The following NHSL1 variants were observed in gnomAD, a reference collection of about 807,000 sequenced individuals.
NHSL1 encodes NHS like 1, also known as NHS-like protein 1.
Under a neutral mutation model 95.0 loss-of-function variants are expected in NHSL1, and 48 were observed. That is an observed-to-expected ratio of 0.51 (90% confidence interval 0.40 to 0.64). The LOEUF is 0.64. Ranked by LOEUF, NHSL1 falls within the 30% of genes least tolerant of loss-of-function variation. NHSL1 has a pLI of 0.00. For missense variants in NHSL1, 1,971 were observed against 2,077.7 expected (o/e 0.95, Z 1.00); for synonymous variants, 783 against 833.9 (o/e 0.94, Z 1.05).
At chr6:138,463,024 G>A (rs1466700190) in intron 3 of NHSL1, among the ~76,000 whole-genome samples, 4 of 152,178 alleles carry the variant, frequency 2.6e-5, no homozygotes, top group African/African-American at 4.8e-5. Context: ...GAGAGACCAA[G>A]CTAGAAAAAT....
At chr6:138,524,595 A>G (rs951734166) in intron 1 of NHSL1, among the ~76,000 whole-genome samples, 17 of 151,952 alleles carry the variant, frequency 1.1e-4, no homozygotes, top group Admixed American at 9.8e-4. Flanking sequence ...ATGGACATTT[A>G]GTGTTTTTTT....
upstream of NHSL1, among the ~76,000 whole-genome samples, chr6:138,546,440 A>G (rs958312600): frequency 7.8e-6 from 1 of 129,008 alleles, no homozygotes; most frequent in Non-Finnish European, 1.5e-5. Flanking sequence ...AAAAAAAAAA[A>G]AAAAAAAAAA....
chr6:138,472,745 T>C (rs769958171), intron 3 of NHSL1, among the ~76,000 whole-genome samples: 5 of 152,204 alleles, frequency 3.3e-5, no homozygotes, highest in Non-Finnish European at 7.3e-5. Context: ...TCACCAGAGA[T>C]GGCAGAGGAA....
intron 1 of NHSL1, among the ~76,000 whole-genome samples, chr6:138,525,639 A>C (rs1251070781): frequency 6.6e-6 from 1 of 152,044 alleles, no homozygotes; most frequent in Non-Finnish European, 1.5e-5. Flanking sequence ...AGACTATATA[A>C]AATCAGGACG....
At chr6:138,471,835 C>T (rs1053184748) in intron 3 of NHSL1, among the ~76,000 whole-genome samples, 1 of 152,150 alleles carries the variant, frequency 6.6e-6, no homozygotes, top group East Asian at 1.9e-4. Context: ...AATCATCACA[C>T]TGTGCTCCAT....
intron 5 of NHSL1, among the ~76,000 whole-genome samples, chr6:138,433,922 CG>C (rs1159927017): frequency 1.3e-5 from 2 of 152,080 alleles, no homozygotes; most frequent in African/African-American, 4.8e-5. Flanking sequence ...TTGAGTGCTG[CG>C]TATGGAATTC....
chr6:138,598,578 G>A (rs1355433849), intron 1 of NHSL1, among the ~76,000 whole-genome samples: 1 of 141,940 alleles, frequency 7.0e-6, no homozygotes, highest in Non-Finnish European at 1.5e-5. Flanking sequence ...CCATGAACAT[G>A]CCACTGCACT....
At chr6:138,455,034 T>C (rs1005498239) in intron 3 of NHSL1, among the ~76,000 whole-genome samples, 1 of 152,150 alleles carries the variant, frequency 6.6e-6, no homozygotes, top group Non-Finnish European at 1.5e-5. Context: ...CTGGAATGGG[T>C]CATTGGAGAC....
intron 1 of NHSL1, among the ~76,000 whole-genome samples, chr6:138,667,987 C>CA (rs902450327): frequency 1.2e-4 from 19 of 152,042 alleles, no homozygotes; most frequent in African/African-American, 3.6e-4. Flanking sequence ...CCTTTGAAAT[C>CA]AAAAAAATAT....
intron 3 of NHSL1, among the ~76,000 whole-genome samples, chr6:138,460,961 C>G (rs1777959892): frequency 6.6e-6 from 1 of 151,906 alleles, no homozygotes; most frequent in African/African-American, 2.4e-5. Flanking sequence ...GGACATACTC[C>G]CTGACCTACC....
chr6:138,686,884 C>T (rs1022930877), intron 1 of NHSL1, among the ~76,000 whole-genome samples: 1 of 152,106 alleles, frequency 6.6e-6, no homozygotes, highest in African/African-American at 2.4e-5. Flanking sequence ...CTAATTTTAA[C>T]GAAAGTTCCA....
At chr6:138,681,883 C>T (rs1785516326) in intron 1 of NHSL1, among the ~76,000 whole-genome samples, 1 of 152,070 alleles carries the variant, frequency 6.6e-6, no homozygotes, top group South Asian at 2.1e-4. Context: ...AATTTTTAAT[C>T]ATAACAGGGA....
rs1157342436 is a variant in NHSL1 at position 138,464,715 on chromosome 6, C to CTTTTTTTTT, written c.339+8582_339+8590dup. Among the ~76,000 whole-genome samples the CTTTTTTTTT allele has an allele frequency of 1.1e-3, 128 of 118,954 alleles. 7 individuals carry two copies. The highest frequency in any genetic ancestry group is 3.3e-3 in the African/African-American group (95 of 28,836). The allele number at this position is 118,954 out of a possible 152,430, so 78.0% of individuals were successfully genotyped here. A position where few individuals can be genotyped will look rare whatever the true frequency, so the allele number is the denominator to read the frequency against. On this transcript the variant is annotated intron_variant, in intron 3 of 7. Transcript: ENST00000343505. The stretch of plus-strand genomic sequence containing the variant: ...TTCTCTTCACTTTTTTTTTTCTTTT[C>CTTTTTTTTT]TTTTTTTTTTTTTTTGAGACAGAGT...
intron 2 of NHSL1, among the ~76,000 whole-genome samples, chr6:138,491,888 A>C (rs1309105609): frequency 6.6e-6 from 1 of 152,202 alleles, no homozygotes; most frequent in Non-Finnish European, 1.5e-5. Flanking sequence ...TCCTTTGAGC[A>C]TCATGTCAGT....
intron 1 of NHSL1, among the ~76,000 whole-genome samples, chr6:138,610,676 T>C (rs1224307718): frequency 1.3e-5 from 2 of 151,978 alleles, no homozygotes; most frequent in Non-Finnish European, 2.9e-5. Context: ...ACCCAAAGAC[T>C]CATAGGTAAC....
rs1020097582 is a variant in NHSL1 at position 138,429,862 on chromosome 6, G to T, written c.3953-19C>A. 25 of 1,546,674 alleles carry T rather than the reference G, an allele frequency of 1.6e-5. No homozygotes were observed. In the Admixed American group the frequency reaches 4.8e-4, roughly 30 times the overall value. On this transcript the variant is annotated intron_variant, in intron 6 of 7. Transcript: ENST00000343505. ...ACCCCAGCTACAGAAGAGCAGGCAGGCATACAAGACGCACAAGTGACTGGA... is the reference window on the plus strand; with the variant it reads ...ACCCCAGCTACAGAAGAGCAGGCAGTCATACAAGACGCACAAGTGACTGGA...
intron 1 of NHSL1, among the ~76,000 whole-genome samples, chr6:138,585,177 C>A (rs1283420294): frequency 1.3e-5 from 2 of 152,152 alleles, no homozygotes; most frequent in African/African-American, 2.4e-5. Flanking sequence ...AGATGATTGG[C>A]TAGGCTGGAA....
At chr6:138,525,952 C>T (rs754991652) in intron 1 of NHSL1, among the ~76,000 whole-genome samples, 1 of 151,410 alleles carries the variant, frequency 6.6e-6, no homozygotes, top group Non-Finnish European at 1.5e-5. Context: ...CAGAAATTAG[C>T]TGTGGTGGGA....
intron 3 of NHSL1, chr6:138,464,281 G>C: frequency 2.5e-6 from 2 of 784,742 alleles, no homozygotes; most frequent in Non-Finnish European, 4.3e-6. Flanking sequence ...TGCTTTGGCA[G>C]ACCCTGGTGT....
Sources: allele counts gnomAD v4.1 joint callset (sites outside exome capture counted in the v4.1 genomes callset), GRCh38; gene constraint gnomAD v4.1.1; transcripts MANE v1.5; gene names NCBI Gene and HGNC (gene_info 2026-07-23, HGNC 2026-07-21).